The following TCF4 variants were observed in gnomAD, a reference collection of about 807,000 sequenced individuals.
TCF4 encodes transcription factor 4, also known as SL3-3 enhancer factor 2.
TCF4 carries 3 observed loss-of-function variants against 82.1 expected under a neutral mutation model. That is an observed-to-expected ratio of 0.04 (90% CI 0.02 to 0.09). The LOEUF is 0.09. Ranked by LOEUF, TCF4 falls within the 10% of genes least tolerant of loss-of-function variation. TCF4 has a pLI of 1.00. For missense variants in TCF4, 518 were observed against 852.7 expected, an observed-to-expected ratio of 0.61 and a Z score of 4.89; for synonymous variants, 276 against 309.6, an observed-to-expected ratio of 0.89 and a Z score of 1.14.
chr18:55,507,517 T>A (rs1180024868), intron 3 of TCF4, among the ~76,000 whole-genome samples: 1 of 148,088 alleles, frequency 6.8e-6, no homozygotes, highest in Non-Finnish European at 1.5e-5. Context: ...TGATGGACAG[T>A]AACTAAAACT....
intron 6 of TCF4, among the ~76,000 whole-genome samples, chr18:55,379,739 C>T (rs1194813492): frequency 6.6e-6 from 1 of 152,126 alleles, no homozygotes; most frequent in Non-Finnish European, 1.5e-5. Flanking sequence ...TTAATGATGT[C>T]TAAGTCAATT....
chr18:55,289,283 G>T (rs975228537), intron 8 of TCF4, among the ~76,000 whole-genome samples: 2 of 152,188 alleles, frequency 1.3e-5, no homozygotes, highest in African/African-American at 4.8e-5. Flanking sequence ...ACAGATAAAA[G>T]ACTGCGGATG....
intron 15 of TCF4, among the ~76,000 whole-genome samples, chr18:55,253,601 T>C (rs2055910778): frequency 6.6e-6 from 1 of 152,164 alleles, no homozygotes; most frequent in Non-Finnish European, 1.5e-5. Context: ...AAAATCACAA[T>C]TGTAATATGG....
chr18:55,342,009 GT>G (rs1157948401), intron 8 of TCF4, among the ~76,000 whole-genome samples: 2 of 152,184 alleles, frequency 1.3e-5, no homozygotes, highest in Admixed American at 6.5e-5. Context: ...CATGTTCCAT[GT>G]TACATGGTGT....
intron 15 of TCF4, among the ~76,000 whole-genome samples, chr18:55,235,074 A>C (rs182995826): frequency 6.6e-6 from 1 of 152,132 alleles, no homozygotes. Flanking sequence ...GCTATCGGAA[A>C]TCCTACAGGA....
chr18:55,258,322 CAT>C (rs1434863753), intron 13 of TCF4, among the ~76,000 whole-genome samples: 8 of 152,164 alleles, frequency 5.3e-5, no homozygotes, highest in Admixed American at 2.6e-4. Flanking sequence ...TTCTTCCTAA[CAT>C]GTGGTCTTCC....
chr18:55,295,709 G>A (rs939712870), intron 8 of TCF4, among the ~76,000 whole-genome samples: 6 of 152,134 alleles, frequency 3.9e-5, no homozygotes, highest in African/African-American at 1.4e-4. Flanking sequence ...TACCTTTTCA[G>A]TCTCATCTTT....
chr18:55,599,435 T>C (rs1057493183), intron 2 of TCF4, among the ~76,000 whole-genome samples: 1 of 152,154 alleles, frequency 6.6e-6, no homozygotes, highest in Non-Finnish European at 1.5e-5. Flanking sequence ...AAAAGAAAGC[T>C]GCAGACTGGG....
intron 8 of TCF4, among the ~76,000 whole-genome samples, chr18:55,309,677 G>C (rs1416043797): frequency 1.3e-5 from 2 of 152,178 alleles, no homozygotes; most frequent in African/African-American, 2.4e-5. Flanking sequence ...ATAATTAAAA[G>C]TCACAGTAAG....
intron 2 of TCF4, among the ~76,000 whole-genome samples, chr18:55,603,825 C>T (rs888079429): frequency 6.6e-6 from 1 of 152,060 alleles, no homozygotes; most frequent in African/African-American, 2.4e-5. Context: ...GTTAGGAGGC[C>T]AGGAGATCAT....
At chr18:55,543,204 T>C (rs2097179076) in intron 3 of TCF4, among the ~76,000 whole-genome samples, 1 of 152,088 alleles carries the variant, frequency 6.6e-6, no homozygotes, top group Non-Finnish European at 1.5e-5. Context: ...AGAAAGAACC[T>C]AGTCTGGATC....
chr18:55,406,893 G>A (rs957242765), intron 5 of TCF4, among the ~76,000 whole-genome samples: 1 of 152,192 alleles, frequency 6.6e-6, no homozygotes, highest in Non-Finnish European at 1.5e-5. Context: ...CAGCCGCTGC[G>A]GATATTTTTT....
chr18:55,552,260 A>G (rs2097266581), intron 3 of TCF4, among the ~76,000 whole-genome samples: 1 of 152,228 alleles, frequency 6.6e-6, no homozygotes, highest in Non-Finnish European at 1.5e-5. Context: ...GCTGAAATAG[A>G]ACTAAATTGA....
At position 55,223,385 on chromosome 18, in the gene TCF4, T is replaced by C. The variant is rs967464816; in HGVS notation, c.*4650A>G. ...TGGAAAATGAAATATAGATGCGTTTTACTTACAGAAGAGAATCATAGCTAT... is the reference window on the plus strand; with the variant it reads ...TGGAAAATGAAATATAGATGCGTTTCACTTACAGAAGAGAATCATAGCTAT... On this transcript the variant is annotated 3_prime_UTR_variant, in exon 20 of 20. Coordinates refer to ENST00000354452, the MANE Select transcript of TCF4 (RefSeq NM_001083962.2). 1.3e-5 allele frequency: 2 copies of C among 152,678 alleles called. No homozygotes were observed. Among genetic ancestry groups the C allele is most frequent in the African/African-American group, 4.8e-5 (2 of 41,470 alleles). The allele number at this position is 152,678 out of a possible 1,614,324, so 9.5% of individuals were successfully genotyped here.
chr18:55,474,952 G>A (rs2096261434), intron 3 of TCF4, among the ~76,000 whole-genome samples: 1 of 152,102 alleles, frequency 6.6e-6, no homozygotes, highest in Non-Finnish European at 1.5e-5. Context: ...CAATTACAGT[G>A]CAGTTATAAT....
At chr18:55,310,491 G>A (rs776279916) in intron 8 of TCF4, among the ~76,000 whole-genome samples, 4 of 152,188 alleles carry the variant, frequency 2.6e-5, no homozygotes, top group Non-Finnish European at 5.9e-5. Context: ...GTAAGACTCA[G>A]CCACCAGATC....
Position 55,254,656 on chromosome 18 carries a change from A to G in TCF4, c.1191T>C (p.Ile397=). The change falls in exon 15 of 20, where the codon ATT becomes ATC. Residue 397 remains isoleucine (I), a synonymous_variant. Coordinates refer to ENST00000354452, the MANE Select transcript of TCF4 (RefSeq NM_001083962.2). ...EDRLERLDDA[I]HVLRNHAVGP... Reference sequence around the variant, plus strand: ...CCACTGCATGGTTCCGGAGAACATGAATAGCATCATCCAGTCTTTCTAAAC... The same window carrying G: ...CCACTGCATGGTTCCGGAGAACATGGATAGCATCATCCAGTCTTTCTAAAC... The G allele has an allele frequency of 6.2e-7, 1 of 1,613,334 alleles. No individual in the cohort carries two copies. The highest frequency in any genetic ancestry group is 8.5e-7 in the Non-Finnish European group (1 of 1,179,728).
At chr18:55,317,161 T>C (rs759257442) in intron 8 of TCF4, among the ~76,000 whole-genome samples, 12 of 152,044 alleles carry the variant, frequency 7.9e-5, no homozygotes, top group Non-Finnish European at 1.5e-4. Flanking sequence ...ATTTCATTGT[T>C]ATTTTTAAAT....
chr18:55,228,988 G>T lies in TCF4; in HGVS notation c.1738C>A (p.Arg580=), dbSNP rs121909120. 3.1e-6 allele frequency: 5 copies of T among 1,614,162 alleles called. No individual in the cohort carries two copies. The East Asian group carries it at 8.9e-5, about 29-fold the overall frequency. Residue 580 remains arginine (R), a synonymous_variant, in exon 18 of 20, where the codon CGG becomes AGG. Transcript: ENST00000354452. ...RMANNARERL[R]VRDINEAFKE... ...AAAGCCTCGTTGATGTCACGGACCC[G>T]CAGACGCTCTCGGGCATTGTTGGCC...
Sources: gnomAD v4.1 joint callset for allele counts (sites outside exome capture counted in the v4.1 genomes callset) on GRCh38, gnomAD v4.1.1 for gene constraint, MANE v1.5 for transcripts, NCBI Gene and HGNC (gene_info 2026-07-23, HGNC 2026-07-21) for gene names.